The following UNC13C variants were observed in gnomAD, a reference collection of about 807,000 sequenced individuals.
The protein encoded by UNC13C is protein unc-13 homolog C.
UNC13C carries 174 observed loss-of-function variants against 245.4 expected under a neutral mutation model. That is an observed-to-expected ratio of 0.71 (90% CI 0.63 to 0.80). The LOEUF (loss-of-function observed/expected upper bound fraction) is 0.80, where lower values mean the gene tolerates loss of function less well. Among genes scored for constraint, UNC13C ranks in the 30% least tolerant of loss-of-function variants. The probability of loss-of-function intolerance (pLI) is 0.00; values close to 1 mark genes in which losing one functional copy is unlikely to be tolerated. For missense variants in UNC13C, 2,829 were observed against 2,602.9 expected (o/e 1.09, Z -1.89); for synonymous variants, 992 against 895.1 (o/e 1.11, Z -1.93).
At chr15:54,017,062 C>G (rs1823582916) in intron 2 of UNC13C, among the ~76,000 whole-genome samples, 1 of 152,140 alleles carries the variant, frequency 6.6e-6, no homozygotes, top group Non-Finnish European at 1.5e-5. Flanking sequence ...GAAATCTTTA[C>G]TGCTAAACTA....
At chr15:54,407,197 C>T (rs1298682139) in intron 18 of UNC13C, among the ~76,000 whole-genome samples, 1 of 151,874 alleles carries the variant, frequency 6.6e-6, no homozygotes, top group South Asian at 2.1e-4. Context: ...GAAGATGTAT[C>T]AGAAGAGGGA....
chr15:54,065,818 T>C (rs1433904343), intron 2 of UNC13C, among the ~76,000 whole-genome samples: 2 of 152,168 alleles, frequency 1.3e-5, no homozygotes, highest in East Asian at 3.9e-4. Flanking sequence ...ACGGAGTTGG[T>C]GAACACCAAC....
At position 54,245,621 on chromosome 15, in the gene UNC13C, A is replaced by C. The variant is rs559979230; in HGVS notation, c.3229-4604A>C. ...GTTTTTATAGTCAGGATTTTATCCT[A>C]GCATTGCTCTGTCTTCATGTTTATA... On this transcript the variant is annotated intron_variant, in intron 7 of 32. Coordinates refer to ENST00000260323, the MANE Select transcript of UNC13C (RefSeq NM_001080534.3). Among the ~76,000 whole-genome samples the C allele has an allele frequency of 3.2e-4, 48 of 152,282 alleles. 1 individual carries two copies. Among genetic ancestry groups the C allele is most frequent in the African/African-American group, 1.2e-3 (48 of 41,578 alleles).
At chr15:53,901,204 G>A in the UNC13C span, among the ~76,000 whole-genome samples, 3 of 144,096 alleles carry the variant, frequency 2.1e-5, no homozygotes, top group South Asian at 2.2e-4. Flanking sequence ...TCATTTTAAT[G>A]TCTTCATAGA....
intron 19 of UNC13C, among the ~76,000 whole-genome samples, chr15:54,449,760 C>T (rs994207801): frequency 1.3e-5 from 2 of 152,162 alleles, no homozygotes; most frequent in African/African-American, 4.8e-5. Context: ...CGTCAGAAGC[C>T]TTCTTCTCTC....
At chr15:53,981,689 G>A (rs774947846) in intron 1 of UNC13C, among the ~76,000 whole-genome samples, 2 of 151,984 alleles carry the variant, frequency 1.3e-5, no homozygotes, top group Non-Finnish European at 2.9e-5. Context: ...ACTGATCACC[G>A]GTTCTATAAT....
At chr15:54,119,877 C>T (rs2030547774) in intron 2 of UNC13C, among the ~76,000 whole-genome samples, 1 of 152,114 alleles carries the variant, frequency 6.6e-6, no homozygotes, top group Non-Finnish European at 1.5e-5. Flanking sequence ...AAGCCTAATT[C>T]ACAACAAGGC....
chr15:54,399,493 C>T (rs545407843), intron 18 of UNC13C, among the ~76,000 whole-genome samples: 1 of 151,762 alleles, frequency 6.6e-6, no homozygotes, highest in Admixed American at 6.6e-5. Context: ...GCAGAAATAT[C>T]TTTCATCCAT....
chr15:53,852,940 G>A, the UNC13C span, among the ~76,000 whole-genome samples: 1 of 151,792 alleles, frequency 6.6e-6, no homozygotes, highest in Non-Finnish European at 1.5e-5. Context: ...TAATAATAAG[G>A]GGTAATCTTT....
chr15:54,254,483 C>T (rs1367500818), intron 8 of UNC13C, among the ~76,000 whole-genome samples: 1 of 152,168 alleles, frequency 6.6e-6, no homozygotes, highest in Non-Finnish European at 1.5e-5. Flanking sequence ...CACATTTAAG[C>T]AAAGGAGCTG....
At chr15:54,180,679 A>G (rs951848470) in intron 4 of UNC13C, among the ~76,000 whole-genome samples, 8 of 151,932 alleles carry the variant, frequency 5.3e-5, no homozygotes, top group African/African-American at 9.7e-5. Flanking sequence ...TGACTTTTTA[A>G]TAGCCATTCT....
intron 19 of UNC13C, among the ~76,000 whole-genome samples, chr15:54,429,572 A>AATTGGTGGTATAGC (rs1226581784): frequency 6.6e-6 from 1 of 151,736 alleles, no homozygotes; most frequent in African/African-American, 2.4e-5. Flanking sequence ...TGTATAGCAT[A>AATTGGTGGTATAGC]ATAGAGGTGG....
At chr15:54,475,332 G>C (rs1197394299) in intron 19 of UNC13C, among the ~76,000 whole-genome samples, 1 of 148,838 alleles carries the variant, frequency 6.7e-6, no homozygotes, top group Non-Finnish European at 1.5e-5. Context: ...TATACTTTAA[G>C]TTTTAGGGTA....
chr15:54,164,845 T>A (rs759270428), intron 4 of UNC13C, among the ~76,000 whole-genome samples: 1 of 152,226 alleles, frequency 6.6e-6, no homozygotes, highest in Non-Finnish European at 1.5e-5. Flanking sequence ...AATAATTTCA[T>A]CATGATATTT....
chr15:53,850,257 TA>T, the UNC13C span, among the ~76,000 whole-genome samples: 2 of 151,546 alleles, frequency 1.3e-5, no homozygotes, highest in Admixed American at 6.6e-5. Flanking sequence ...CCACAAAAAA[TA>T]AAAAAATTTA....
chr15:54,464,629 T>G (rs1014763621), intron 19 of UNC13C, among the ~76,000 whole-genome samples: 1 of 152,118 alleles, frequency 6.6e-6, no homozygotes, highest in Admixed American at 6.6e-5. Context: ...TAAAAACTTT[T>G]AAATCAAATT....
At chr15:54,329,362 C>T (rs1266236721) in intron 14 of UNC13C, among the ~76,000 whole-genome samples, 1 of 151,828 alleles carries the variant, frequency 6.6e-6, no homozygotes, top group Non-Finnish European at 1.5e-5. Flanking sequence ...ATTGTGCTAC[C>T]AAACACTGGA....
intron 2 of UNC13C, among the ~76,000 whole-genome samples, chr15:54,037,515 G>A (rs1896622158): frequency 1.3e-5 from 2 of 152,156 alleles, no homozygotes; most frequent in African/African-American, 4.8e-5. Context: ...TTGTTTCACT[G>A]TTTTGGAGGA....
chr15:54,460,483 CTGTTA>C (rs1378603994), intron 19 of UNC13C, among the ~76,000 whole-genome samples: 2 of 152,192 alleles, frequency 1.3e-5, no homozygotes, highest in East Asian at 1.9e-4. Flanking sequence ...CAGGGTTGTT[CTGTTA>C]TGAGTGGCTG....
Sources: gnomAD v4.1 joint callset for allele counts (sites outside exome capture counted in the v4.1 genomes callset) on GRCh38, gnomAD v4.1.1 for gene constraint, MANE v1.5 for transcripts, NCBI Gene and HGNC (gene_info 2026-07-23, HGNC 2026-07-21) for gene names.